The following ATP11B variants were observed in gnomAD, a reference collection of about 807,000 sequenced individuals.
ATP11B encodes the protein phospholipid-transporting ATPase IF.
ATP11B carries 81 observed loss-of-function variants against 157.8 expected under a neutral mutation model. That is an observed-to-expected ratio of 0.51 (90% CI 0.43 to 0.62). The LOEUF (loss-of-function observed/expected upper bound fraction) is 0.62. ATP11B is among the 20% of genes least tolerant of loss of function. The pLI, the probability that ATP11B is intolerant of heterozygous loss-of-function variation, is 0.00. For missense variants in ATP11B, 1,165 were observed against 1,402.2 expected (o/e 0.83, Z 2.70); for synonymous variants, 451 against 469.4 (o/e 0.96, Z 0.51).
intron 1 of ATP11B, among the ~76,000 whole-genome samples, chr3:182,816,273 G>T (rs1716965114): frequency 6.6e-6 from 1 of 152,184 alleles, no homozygotes; most frequent in Non-Finnish European, 1.5e-5. Flanking sequence ...AGCCAGGGTG[G>T]CTGGAATAGC....
In ATP11B at chr3:182,865,674, C is replaced by T; in HGVS notation, c.1419C>T (p.Thr473=). 1 of 1,612,256 alleles carries T rather than the reference C, an allele frequency of 6.2e-7. No individual in the cohort carries two copies. The highest frequency in any genetic ancestry group is 2.2e-5 in the East Asian group (1 of 44,800). Residue 473 remains threonine (T), a synonymous_variant, in exon 13 of 30, where the codon ACC becomes ACT. Transcript: ENST00000323116. ...SHLTTSSSFR[T]SPENETELIK... is the part of the protein sequence containing the mutation. The stretch of plus-strand genomic sequence containing the variant: ...TTACAACCAGTTCCTCTTTCAGAAC[C>T]AGTCCTGAAAATGAAACTGAACTAG...
At chr3:182,832,168 A>G (rs1718200031) in intron 4 of ATP11B, among the ~76,000 whole-genome samples, 1 of 152,200 alleles carries the variant, frequency 6.6e-6, no homozygotes, top group African/African-American at 2.4e-5. Context: ...AATAATTGAC[A>G]ATCAGTCTCC....
rs1043734923 is a variant in ATP11B, at chr3:182,919,840, C to G, written c.*1736C>G. ...TAAATATTAATTTTCAAAAATAGTC[C>G]TTCTTTAACTTAGATATTTCATAGC... is the stretch of plus-strand genomic sequence containing the variant. On this transcript the variant is annotated 3_prime_UTR_variant, in exon 30 of 30. Coordinates refer to ENST00000323116, the MANE Select transcript of ATP11B (RefSeq NM_014616.3). 1.3e-5 allele frequency: 2 copies of G among 152,016 alleles called. No individual in the cohort carries two copies. The highest frequency in any genetic ancestry group is 2.9e-5 in the Non-Finnish European group (2 of 67,956). The allele number at this position is 152,016 out of a possible 1,614,324, so 9.4% of individuals were successfully genotyped here.
At chr3:182,899,753 A>G (rs775312227) in intron 28 of ATP11B, among the ~76,000 whole-genome samples, 1 of 152,168 alleles carries the variant, frequency 6.6e-6, no homozygotes, top group Non-Finnish European at 1.5e-5. Context: ...TTTCTAGTGA[A>G]GATTAAATGA....
chr3:182,812,341 T>C (rs1225257219), intron 1 of ATP11B, among the ~76,000 whole-genome samples: 1 of 152,208 alleles, frequency 6.6e-6, no homozygotes, highest in African/African-American at 2.4e-5. Context: ...AGAAGTGTTT[T>C]AGATATGAGT....
At chr3:182,883,769 A>G (rs1010695565) in intron 21 of ATP11B, among the ~76,000 whole-genome samples, 13 of 150,130 alleles carry the variant, frequency 8.7e-5, no homozygotes, top group Non-Finnish European at 1.5e-4. Flanking sequence ...TCCCGGCTAA[A>G]ACGGTGAAAC....
At chr3:182,884,094 ATTT>A (rs1365867653) in intron 21 of ATP11B, among the ~76,000 whole-genome samples, 1 of 151,976 alleles carries the variant, frequency 6.6e-6, no homozygotes, top group Non-Finnish European at 1.5e-5. Flanking sequence ...TTGAAAAATA[ATTT>A]TTTTAAGTTG....
At chr3:182,902,607 G>C (rs758531531) in intron 28 of ATP11B, 1 of 1,198,596 alleles carries the variant, frequency 8.3e-7, no homozygotes, top group South Asian at 1.3e-5. Flanking sequence ...TCTTCTGCAT[G>C]CTAAAGGTCA....
intron 28 of ATP11B, chr3:182,908,572 A>AT (rs1359257189): frequency 6.6e-6 from 1 of 152,224 alleles, no homozygotes; most frequent in Non-Finnish European, 1.5e-5. Flanking sequence ...GAAGTATTTT[A>AT]TAACAATCTT....
intron 18 of ATP11B, among the ~76,000 whole-genome samples, chr3:182,873,322 T>A (rs2108550993): frequency 6.6e-6 from 1 of 152,352 alleles, no homozygotes; most frequent in South Asian, 2.1e-4. Flanking sequence ...TTTGCATATT[T>A]TTAAAATCTA....
At chr3:182,815,014 G>A (rs1716890235) in intron 1 of ATP11B, among the ~76,000 whole-genome samples, 1 of 152,086 alleles carries the variant, frequency 6.6e-6, no homozygotes, top group African/African-American at 2.4e-5. Flanking sequence ...AGGATGAGTA[G>A]GCTTTTCCTG....
intron 10 of ATP11B, among the ~76,000 whole-genome samples, chr3:182,856,497 A>G (rs1720414030): frequency 6.6e-6 from 1 of 152,180 alleles, no homozygotes; most frequent in Admixed American, 6.5e-5. Context: ...TTTAGTGAAA[A>G]GAGGTCAAAA....
At chr3:182,908,319 C>T (rs1474683492) in intron 28 of ATP11B, 1 of 150,114 alleles carries the variant, frequency 6.7e-6, no homozygotes, top group East Asian at 2.0e-4. Flanking sequence ...AAGCAGTTCT[C>T]CTGCCTCAGC....
Position 182,867,477 on chromosome 3 carries a change from G to A in ATP11B, c.1688+33G>A, listed in dbSNP as rs200717943. The A allele has an allele frequency of 3.6e-6, 5 of 1,391,358 alleles. No homozygotes were observed. The Admixed American group carries it at 6.8e-5, about 19-fold the overall frequency. 86.2% of individuals were successfully genotyped at this position (1,391,358 alleles called of 1,614,324 possible). A position where few individuals can be genotyped will look rare whatever the true frequency, so the allele number is the denominator to read the frequency against. On this transcript the variant is annotated intron_variant, in intron 15 of 29. Coordinates refer to ENST00000323116, the MANE Select transcript of ATP11B (RefSeq NM_014616.3). ...TTTTTCATATATTGGAATGTTTTCTGTGTTAAGTGTATATAGTATAGAATA... is the reference window on the plus strand; with the variant it reads ...TTTTTCATATATTGGAATGTTTTCTATGTTAAGTGTATATAGTATAGAATA...
At position 182,837,072 on chromosome 3, in the gene ATP11B, C is replaced by G. The variant is rs1203403594; in HGVS notation, c.554C>G (p.Thr185Arg). The stretch of plus-strand genomic sequence containing the variant: ...TACAGTTTAATTCATTTTTTTCAGA[C>G]ACATGTGGCAGTTCCAGAAACAGCA... ...ASLDGETNLK[T>R]HVAVPETALL... Residue 185 changes from threonine to arginine, a missense_variant and splice_region_variant, in exon 7 of 30, where the codon ACA becomes AGA. By Grantham distance (71) the Thr-to-Arg change is moderately conservative. Coordinates refer to ENST00000323116, the MANE Select transcript of ATP11B (RefSeq NM_014616.3). 6.2e-7 allele frequency: 1 copy of G among 1,609,206 alleles called. No individual in the cohort carries two copies. The highest frequency in any genetic ancestry group is 1.1e-5 in the South Asian group (1 of 90,504).
intron 10 of ATP11B, among the ~76,000 whole-genome samples, chr3:182,853,351 G>A (rs1022519907): frequency 6.6e-5 from 10 of 152,076 alleles, no homozygotes; most frequent in Non-Finnish European, 1.3e-4. Context: ...GGGACCACAG[G>A]TGCGCGCCAC....
intron 17 of ATP11B, among the ~76,000 whole-genome samples, chr3:182,872,022 A>G (rs1273204984): frequency 6.6e-6 from 1 of 152,100 alleles, no homozygotes; most frequent in East Asian, 1.9e-4. Flanking sequence ...TCACCATGTT[A>G]GCCAGGATGG....
At chr3:182,863,178 A>G (rs919610448) in intron 12 of ATP11B, among the ~76,000 whole-genome samples, 2 of 152,124 alleles carry the variant, frequency 1.3e-5, no homozygotes, top group African/African-American at 4.8e-5. Context: ...TGCTGGGATT[A>G]CAAGCATGAG....
intron 6 of ATP11B, 125 bp downstream of exon 6, chr3:182,836,595 T>C: frequency 8.9e-7 from 1 of 1,128,210 alleles, no homozygotes; most frequent in Non-Finnish European, 1.2e-6. Flanking sequence ...AAAATTACTA[T>C]TTCAAAAATA....
Sources: gnomAD v4.1 joint callset for allele counts (sites outside exome capture counted in the v4.1 genomes callset) on GRCh38, gnomAD v4.1.1 for gene constraint, MANE v1.5 for transcripts, NCBI Gene and HGNC (gene_info 2026-07-23, HGNC 2026-07-21) for gene names.